The following MDGA2 variants were observed in gnomAD, a reference collection of about 807,000 sequenced individuals.
MDGA2 encodes the protein MAM domain-containing glycosylphosphatidylinositol anchor protein 2.
MDGA2 carries 40 observed loss-of-function variants against 117.8 expected under a neutral mutation model. The ratio of observed to expected loss-of-function variants is 0.34; its 90% CI spans 0.26 to 0.44. The LOEUF is 0.44. MDGA2 is among the 20% of genes least tolerant of loss of function. The pLI, the probability that MDGA2 is intolerant of heterozygous loss-of-function variation, is 1.00. For missense variants in MDGA2, 1,123 were observed against 1,250.6 expected, an observed-to-expected ratio of 0.90 and a Z score of 1.54; for synonymous variants, 452 against 439.0, an observed-to-expected ratio of 1.03 and a Z score of -0.37.
At chr14:47,604,825 C>T (rs1896712778) in intron 1 of MDGA2, among the ~76,000 whole-genome samples, 1 of 152,136 alleles carries the variant, frequency 6.6e-6, no homozygotes. Context: ...AGATTGCCTG[C>T]TCTCAGGAAG....
intron 1 of MDGA2, among the ~76,000 whole-genome samples, chr14:47,481,911 A>T (rs984565166): frequency 1.3e-5 from 2 of 152,050 alleles, no homozygotes; most frequent in Non-Finnish European, 1.5e-5. Flanking sequence ...GTTACTATTT[A>T]AGTGGTCAGA....
intron 1 of MDGA2, among the ~76,000 whole-genome samples, chr14:47,439,728 G>C (rs1326644952): frequency 6.6e-6 from 1 of 151,592 alleles, no homozygotes; most frequent in Non-Finnish European, 1.5e-5. Flanking sequence ...TGTATGTATA[G>C]TCTAAATATT....
chr14:47,561,175 G>GTTTTTTTTTTTTTTTTT (rs150826944), intron 1 of MDGA2, among the ~76,000 whole-genome samples: 24 of 69,350 alleles, frequency 3.5e-4, no homozygotes, highest in Non-Finnish European at 4.2e-4. Flanking sequence ...TTTTTTGTTT[G>GTTTTTTTTTTTTTTTTT]TTTGTTTTTT....
chr14:47,628,579 T>C (rs528351141), intron 1 of MDGA2, among the ~76,000 whole-genome samples: 1 of 152,338 alleles, frequency 6.6e-6, no homozygotes, highest in African/African-American at 2.4e-5. Flanking sequence ...GATTAACAAA[T>C]GGGCAATTTT....
Position 47,615,575 on chromosome 14 carries a change from T to C in MDGA2, c.280+58942A>G, listed in dbSNP as rs78304612. Among the ~76,000 whole-genome samples, 1,514 of 152,064 alleles carry C rather than the reference T, an allele frequency of 1.0e-2. 25 individuals are homozygous for C. Among genetic ancestry groups the C allele is most frequent in the African/African-American group, 0.034 (1,410 of 41,462 alleles). On this transcript the variant is annotated intron_variant, in intron 1 of 16. Coordinates refer to ENST00000399232, the MANE Select transcript of MDGA2 (RefSeq NM_001113498.3). ...TCCAATATCCTAAGCCAGTTCTCAG[T>C]GGAGATATTTACAGGGACTGCAGTT...
At chr14:47,172,428 C>T (rs1329133002) in intron 3 of MDGA2, among the ~76,000 whole-genome samples, 2 of 151,814 alleles carry the variant, frequency 1.3e-5, no homozygotes, top group Non-Finnish European at 2.9e-5. Flanking sequence ...CCTCACACGG[C>T]CGGGTACTCC....
chr14:47,552,804 CT>C (rs34070330), intron 1 of MDGA2, among the ~76,000 whole-genome samples: 45,367 of 152,066 alleles, frequency 0.3, 7,087 homozygotes, highest in South Asian at 0.53. Context: ...CTTACTACCC[CT>C]AATCTTGCCT....
chr14:47,239,030 G>C (rs1886955222), intron 2 of MDGA2, among the ~76,000 whole-genome samples: 1 of 151,420 alleles, frequency 6.6e-6, no homozygotes, highest in Admixed American at 6.6e-5. Flanking sequence ...TCCATTACTG[G>C]TGTTTATGTA....
intron 4 of MDGA2, among the ~76,000 whole-genome samples, chr14:47,142,172 G>A (rs1435938640): frequency 6.6e-6 from 1 of 152,096 alleles, no homozygotes; most frequent in Non-Finnish European, 1.5e-5. Flanking sequence ...AGCCGGGCAC[G>A]GTGGCTCACA....
At chr14:47,535,493 G>A (rs569952793) in intron 1 of MDGA2, among the ~76,000 whole-genome samples, 2 of 152,350 alleles carry the variant, frequency 1.3e-5, no homozygotes, top group South Asian at 2.1e-4. Context: ...CAGTCATTGT[G>A]AGGAGTTTGC....
chr14:46,901,151 G>A (rs1020271333), intron 10 of MDGA2, among the ~76,000 whole-genome samples: 1 of 140,104 alleles, frequency 7.1e-6, no homozygotes, highest in Non-Finnish European at 1.5e-5. Context: ...TTTTAAGAAT[G>A]GAAGGGGAAC....
chr14:46,927,929 C>T (rs115257116), intron 9 of MDGA2, among the ~76,000 whole-genome samples: 1,560 of 152,204 alleles, frequency 0.01, 19 homozygotes, highest in African/African-American at 0.031. Flanking sequence ...ATTTATAGCC[C>T]TGGAAAGCAG....
chr14:47,403,192 A>G (rs1892190947), intron 1 of MDGA2, among the ~76,000 whole-genome samples: 1 of 152,148 alleles, frequency 6.6e-6, no homozygotes, highest in Admixed American at 6.6e-5. Context: ...CCCCAATCCT[A>G]TAAAAGCACT....
chr14:47,160,331 T>G (rs774003058), intron 3 of MDGA2, among the ~76,000 whole-genome samples: 23 of 152,198 alleles, frequency 1.5e-4, no homozygotes, highest in Admixed American at 3.3e-4. Flanking sequence ...CGGGCTTTTT[T>G]GGTTATTCTC....
intron 1 of MDGA2, among the ~76,000 whole-genome samples, chr14:47,485,399 T>TA (rs1290102125): frequency 6.6e-6 from 1 of 152,184 alleles, no homozygotes; most frequent in Non-Finnish European, 1.5e-5. Context: ...GTAACTTGAC[T>TA]ACTGTTAAAG....
At chr14:46,963,637 T>C (rs868796224) in intron 8 of MDGA2, among the ~76,000 whole-genome samples, 27 of 152,236 alleles carry the variant, frequency 1.8e-4, no homozygotes, top group African/African-American at 5.8e-4. Context: ...TTCTCATCAT[T>C]CAGATTTTAC....
intron 5 of MDGA2, among the ~76,000 whole-genome samples, chr14:47,108,046 C>A (rs2139040800): frequency 6.7e-6 from 1 of 148,620 alleles, no homozygotes; most frequent in South Asian, 2.1e-4. Flanking sequence ...TCAGTGAAAC[C>A]TTTATATCCC....
chr14:47,288,507 C>T (rs951005626), intron 2 of MDGA2, among the ~76,000 whole-genome samples: 1 of 152,028 alleles, frequency 6.6e-6, no homozygotes, highest in African/African-American at 2.4e-5. Flanking sequence ...CACTAATTAA[C>T]CAAGGATCAT....
chr14:47,231,748 TG>T (rs1486450869), intron 2 of MDGA2, among the ~76,000 whole-genome samples: 1 of 134,520 alleles, frequency 7.4e-6, no homozygotes, highest in African/African-American at 2.7e-5. Flanking sequence ...TGAACCTTCG[TG>T]TTGGAAAAAA....
Sources: allele counts gnomAD v4.1 joint callset (sites outside exome capture counted in the v4.1 genomes callset), GRCh38; gene constraint gnomAD v4.1.1; transcripts MANE v1.5; gene names NCBI Gene and HGNC (gene_info 2026-07-23, HGNC 2026-07-21).